The following MPZL1 variants were observed in gnomAD, a reference collection of about 807,000 sequenced individuals.
The protein encoded by MPZL1 is myelin protein zero-like protein 1.
MPZL1 carries 16 observed loss-of-function variants against 29.3 expected under a neutral mutation model. The ratio of observed to expected loss-of-function variants is 0.55; its 90% CI spans 0.37 to 0.83. MPZL1 has a LOEUF of 0.83. Among genes scored for constraint, MPZL1 ranks in the 40% least tolerant of loss-of-function variants. The pLI is 0.00. For missense variants in MPZL1, 279 were observed against 332.9 expected (o/e 0.84, Z 1.26); for synonymous variants, 143 against 132.0 (o/e 1.08, Z -0.57).
At chr1:167,785,873 A>C (rs960474023) in intron 5 of MPZL1, among the ~76,000 whole-genome samples, 3 of 152,026 alleles carry the variant, frequency 2.0e-5, no homozygotes, top group African/African-American at 4.8e-5. Flanking sequence ...GCTCACTGTA[A>C]GCTCCGCCTC....
At chr1:167,777,827 A>C (rs1336986373) in intron 5 of MPZL1, among the ~76,000 whole-genome samples, 1 of 152,256 alleles carries the variant, frequency 6.6e-6, no homozygotes, top group African/African-American at 2.4e-5. Context: ...CAAAATGGTC[A>C]TACCTAAATG....
rs552630083 is a variant in MPZL1 at position 167,726,281 on chromosome 1, T to C, written c.91+4039T>C. On this transcript the variant is annotated intron_variant, in intron 1 of 5. Coordinates refer to ENST00000359523, the MANE Select transcript of MPZL1 (RefSeq NM_003953.6). ...TTTCACATCTTTAGAGAGGCCTCTC[T>C]GACCACCTTATTCTAGGGTACTTAC... Among the ~76,000 whole-genome samples, 3 of 152,350 alleles carry C rather than the reference T, an allele frequency of 2.0e-5. No homozygotes were observed. The East Asian group carries it at 5.8e-4, about 29-fold the overall frequency.
chr1:167,748,619 T>G (rs916592013), intron 1 of MPZL1, among the ~76,000 whole-genome samples: 16 of 152,334 alleles, frequency 1.1e-4, no homozygotes, highest in Non-Finnish European at 1.6e-4. Flanking sequence ...TTTTAAATTT[T>G]GGGTAAGTCC....
chr1:167,783,953 A>G (rs559864765), intron 5 of MPZL1, among the ~76,000 whole-genome samples: 3 of 152,220 alleles, frequency 2.0e-5, no homozygotes, highest in African/African-American at 7.2e-5. Flanking sequence ...TTTGGGGATG[A>G]CTCCTCTAAC....
chr1:167,773,903 AAAAAAAG>A (rs1241852692), intron 4 of MPZL1: 3 of 150,602 alleles, frequency 2.0e-5, no homozygotes, highest in Non-Finnish European at 2.9e-5. Flanking sequence ...TTAAAAAAAA[AAAAAAAG>A]AAAGAAAGAA....
chr1:167,735,298 A>G (rs748048204), intron 1 of MPZL1, among the ~76,000 whole-genome samples: 3 of 152,214 alleles, frequency 2.0e-5, no homozygotes, highest in Non-Finnish European at 2.9e-5. Flanking sequence ...GACATTTTGC[A>G]TATCTCCATT....
At chr1:167,737,917 TTTTG>T (rs566855772) in intron 1 of MPZL1, among the ~76,000 whole-genome samples, 40 of 143,778 alleles carry the variant, frequency 2.8e-4, no homozygotes, top group Middle Eastern at 3.5e-3. Context: ...TCTTGTGTTT[TTTTG>T]TTTGTTTGTT....
At chr1:167,734,897 A>C (rs528940087) in intron 1 of MPZL1, among the ~76,000 whole-genome samples, 3 of 152,176 alleles carry the variant, frequency 2.0e-5, no homozygotes, top group Non-Finnish European at 4.4e-5. Context: ...ACATTTCTCC[A>C]TTCCAATATT....
intron 1 of MPZL1, among the ~76,000 whole-genome samples, chr1:167,749,292 A>G (rs1200278659): frequency 6.6e-6 from 1 of 152,254 alleles, no homozygotes; most frequent in Non-Finnish European, 1.5e-5. Context: ...CAGATGACTT[A>G]ATGGCATGTG....
At chr1:167,765,846 A>T in intron 2 of MPZL1, 97 bp downstream of exon 2, 1 of 1,204,988 alleles carries the variant, frequency 8.3e-7, no homozygotes, top group Non-Finnish European at 1.1e-6. Context: ...CATTTCCAAA[A>T]TGAGTGTATT....
chr1:167,760,284 G>C (rs943434115), intron 1 of MPZL1, among the ~76,000 whole-genome samples: 1 of 152,048 alleles, frequency 6.6e-6, no homozygotes, highest in African/African-American at 2.4e-5. Context: ...CTCACTGCAA[G>C]CTCCGCCTCC....
chr1:167,748,305 G>A (rs757878445), intron 1 of MPZL1, among the ~76,000 whole-genome samples: 2 of 152,122 alleles, frequency 1.3e-5, no homozygotes, highest in Non-Finnish European at 2.9e-5. Context: ...CCAGCTACTG[G>A]TTAGTGCCAT....
chr1:167,728,822 C>T (rs1418272755), intron 1 of MPZL1, among the ~76,000 whole-genome samples: 1 of 152,126 alleles, frequency 6.6e-6, no homozygotes, highest in East Asian at 1.9e-4. Context: ...AAGATTGCCC[C>T]ATAGAATGAA....
At chr1:167,774,765 A>T (rs948260759) in intron 4 of MPZL1, 1 of 152,000 alleles carries the variant, frequency 6.6e-6, no homozygotes, top group Non-Finnish European at 1.5e-5. Flanking sequence ...CTTATCTTCC[A>T]CTTCTTAAGA....
intron 5 of MPZL1, among the ~76,000 whole-genome samples, chr1:167,776,608 T>A (rs1661374280): frequency 6.6e-6 from 1 of 152,244 alleles, no homozygotes; most frequent in African/African-American, 2.4e-5. Context: ...CTGTGGATTC[T>A]TTAGAAAAAA....
intron 1 of MPZL1, among the ~76,000 whole-genome samples, chr1:167,754,180 G>T (rs1368810161): frequency 1.3e-5 from 2 of 151,304 alleles, no homozygotes; most frequent in Non-Finnish European, 2.9e-5. Context: ...TTTATTTTTG[G>T]TAGAGATGGG....
At chr1:167,729,378 G>A (rs1365249343) in intron 1 of MPZL1, among the ~76,000 whole-genome samples, 1 of 152,034 alleles carries the variant, frequency 6.6e-6, no homozygotes. Context: ...ACATAATCAT[G>A]TGCTTCTTCC....
At chr1:167,769,655 G>A (rs1477873704) in intron 2 of MPZL1, among the ~76,000 whole-genome samples, 2 of 152,104 alleles carry the variant, frequency 1.3e-5, no homozygotes, top group African/African-American at 4.8e-5. Context: ...TTGTAAGTAG[G>A]GTAAAATCTC....
Position 167,790,657 on chromosome 1 carries a change from G to T in MPZL1, c.*2736G>T, listed in dbSNP as rs145325991. ...CGTCTTAAAATTATGCGCTAATTCTGTATGGGAGCACTCAAAAGGCATTAC... is the reference window on the plus strand; with the variant it reads ...CGTCTTAAAATTATGCGCTAATTCTTTATGGGAGCACTCAAAAGGCATTAC... On this transcript the variant is annotated 3_prime_UTR_variant, in exon 6 of 6. Transcript: ENST00000359523. 6.6e-6 allele frequency: 1 copy of T among 152,116 alleles called. No individual in the cohort carries two copies. Among genetic ancestry groups the T allele is most frequent in the Non-Finnish European group, 1.5e-5 (1 of 68,038 alleles). The allele number at this position is 152,116 out of a possible 1,614,324, so 9.4% of individuals were successfully genotyped here.
Sources: gnomAD v4.1 joint callset for allele counts (sites outside exome capture counted in the v4.1 genomes callset) on GRCh38, gnomAD v4.1.1 for gene constraint, MANE v1.5 for transcripts, NCBI Gene and HGNC (gene_info 2026-07-23, HGNC 2026-07-21) for gene names.